CCM2: variants seen among roughly 807,000 people sequenced by gnomAD.
The protein encoded by CCM2 is CCM2 scaffold protein.
A neutral mutation model predicts 44.9 loss-of-function variants in CCM2; 25 were observed. That is an observed-to-expected ratio of 0.56 (90% confidence interval 0.41 to 0.78). The LOEUF (loss-of-function observed/expected upper bound fraction) is 0.78. Among genes scored for constraint, CCM2 ranks in the 30% least tolerant of loss-of-function variants. CCM2 has a pLI of 0.00. For missense variants in CCM2, 481 were observed against 580.6 expected, an observed-to-expected ratio of 0.83 and a Z score of 1.76; for synonymous variants, 219 against 241.1, an observed-to-expected ratio of 0.91 and a Z score of 0.85.
chr7:45,064,456 C>T lies in CCM2; in HGVS notation c.289-7C>T. ...CTGTATTTCTGATGCCCTGTGGTTC[C>T]TTCCAGAGAGCCCACCAGCTTCCGG... On this transcript the variant is annotated splice_polypyrimidine_tract_variant and splice_region_variant and intron_variant, in intron 3 of 9. Coordinates refer to ENST00000258781, the MANE Select transcript of CCM2 (RefSeq NM_031443.4). 6.2e-7 allele frequency: 1 copy of T among 1,612,836 alleles called. No homozygotes were observed. Among genetic ancestry groups the T allele is most frequent in the Non-Finnish European group, 8.5e-7 (1 of 1,179,856 alleles).
In CCM2 at chr7:45,055,742, A is replaced by G. The variant is rs539391976; in HGVS notation, c.205-8176A>G. Among the ~76,000 whole-genome samples, 6 of 152,308 alleles carry G rather than the reference A, an allele frequency of 3.9e-5. No individual in the cohort carries two copies. In the South Asian group the frequency reaches 8.3e-4, roughly 21 times the overall value. ...TGAAGTGTAGAGTTCAATGGCATAA[A>G]ATCAATTCACATTGTTGTGCAACCA... On this transcript the variant is annotated intron_variant, in intron 2 of 9. Transcript: ENST00000258781.
intron 1 of CCM2, among the ~76,000 whole-genome samples, chr7:45,016,060 T>A (rs1295613677): frequency 6.6e-6 from 1 of 152,250 alleles, no homozygotes; most frequent in Non-Finnish European, 1.5e-5. Flanking sequence ...AACTTAAAAA[T>A]TCAAGAAATG....
At chr7:45,003,609 A>G (rs923780168) in intron 1 of CCM2, among the ~76,000 whole-genome samples, 2 of 151,830 alleles carry the variant, frequency 1.3e-5, no homozygotes, top group Admixed American at 6.6e-5. Context: ...GCATGTGCCT[A>G]TAATCCCAGT....
At chr7:45,020,818 A>G (rs1164629011) in intron 1 of CCM2, among the ~76,000 whole-genome samples, 7 of 149,756 alleles carry the variant, frequency 4.7e-5, no homozygotes, top group African/African-American at 1.7e-4. Context: ...AGCAAAATAT[A>G]TTATATGAAA....
chr7:45,073,486 G>A lies in CCM2; in HGVS notation c.830G>A (p.Gly277Asp), dbSNP rs1421166194. ...TFCFPESVDV[G>D]GASPHSKTIS... is the part of the protein sequence containing the mutation. ...TGCTTCCCTGAATCTGTGGATGTGG[G>A]TGGTGCATCACCCCACAGCAAGACC... The change falls in exon 8 of 10, where the codon GGT becomes GAT. Residue 277 changes from glycine to aspartate, a missense_variant. Gly to Asp is a moderately conservative substitution (Grantham distance 94, BLOSUM62 -1). Transcript: ENST00000258781. 2 of 1,613,382 alleles carry A rather than the reference G, an allele frequency of 1.2e-6. No individual in the cohort carries two copies. The highest frequency in any genetic ancestry group is 3.3e-5 in the Admixed American group (2 of 60,012).
chr7:45,073,788 C>A (rs1000937112), intron 8 of CCM2: 8 of 586,528 alleles, frequency 1.4e-5, no homozygotes, highest in Non-Finnish European at 2.4e-5. Flanking sequence ...AGTGCTGTGG[C>A]CGTCAGGGCT....
Position 45,074,312 on chromosome 7 carries a change from G to T in CCM2, c.958G>T (p.Ala320Ser). Residue 320 changes from alanine (A) to serine (S), a missense_variant, in exon 9 of 10, where the codon GCA (alanine) becomes TCA (serine). Ala to Ser is a moderately conservative substitution (Grantham distance 99). Coordinates refer to ENST00000258781, the MANE Select transcript of CCM2 (RefSeq NM_031443.4). The part of the protein sequence containing the change: ...LSSQEIQQFA[A>S]LLHEYRNGAS... ...ATCACAGGAGATCCAGCAGTTTGCAGCACTGCTGCACGAGTACCGCAATGG... is the reference window on the plus strand; with the variant it reads ...ATCACAGGAGATCCAGCAGTTTGCATCACTGCTGCACGAGTACCGCAATGG... 1.2e-6 allele frequency: 2 copies of T among 1,613,766 alleles called. No homozygotes were observed. The highest frequency in any genetic ancestry group is 1.7e-6 in the Non-Finnish European group (2 of 1,180,014).
intron 6 of CCM2, chr7:45,071,631 G>C (rs1336875574): frequency 2.7e-6 from 1 of 365,930 alleles, no homozygotes; most frequent in African/African-American, 2.1e-5. Context: ...GGCTAAAGTT[G>C]AGGTGTCCAC....
chr7:45,040,373 C>T (rs945738029), intron 2 of CCM2, among the ~76,000 whole-genome samples: 65 of 149,774 alleles, frequency 4.3e-4, no homozygotes, highest in African/African-American at 1.5e-3. Flanking sequence ...AGCGAGACTC[C>T]GTCTCAAAAA....
At chr7:45,035,827 A>G (rs189232072) in intron 1 of CCM2, among the ~76,000 whole-genome samples, 101 of 149,446 alleles carry the variant, frequency 6.8e-4, no homozygotes, top group African/African-American at 2.2e-3. Flanking sequence ...ACATATATAC[A>G]TATATATATA....
chr7:45,012,445 G>C (rs1371337213), intron 1 of CCM2, among the ~76,000 whole-genome samples: 1 of 151,936 alleles, frequency 6.6e-6, no homozygotes, highest in Non-Finnish European at 1.5e-5. Context: ...ATAATGTCTT[G>C]TTGAAATGAA....
intron 1 of CCM2, among the ~76,000 whole-genome samples, chr7:45,019,160 C>T (rs1168569024): frequency 6.6e-6 from 1 of 151,184 alleles, no homozygotes; most frequent in East Asian, 1.9e-4. Flanking sequence ...CAACCTCCGC[C>T]TCCCGGGTTC....
chr7:45,021,276 T>TA (rs1470612829), intron 1 of CCM2, among the ~76,000 whole-genome samples: 4 of 151,324 alleles, frequency 2.6e-5, no homozygotes, highest in Non-Finnish European at 4.4e-5. Flanking sequence ...AAAAAAATAA[T>TA]AAATAGGCTG....
chr7:45,060,630 G>A (rs76495135), intron 2 of CCM2, among the ~76,000 whole-genome samples: 279 of 151,928 alleles, frequency 1.8e-3, no homozygotes, highest in African/African-American at 6.5e-3. Context: ...TCTTTCTTTC[G>A]TTCTTTTTTC....
At chr7:45,064,185 A>C (rs879671143) in intron 3 of CCM2, among the ~76,000 whole-genome samples, 184 bp downstream of exon 3, 27 of 152,184 alleles carry the variant, frequency 1.8e-4, no homozygotes, top group Admixed American at 1.8e-3. Flanking sequence ...CACTTGCTCC[A>C]TGTGATTTTG....
chr7:45,067,002 G>T (rs1562910569), intron 4 of CCM2, among the ~76,000 whole-genome samples: 1 of 151,422 alleles, frequency 6.6e-6, no homozygotes, highest in Non-Finnish European at 1.5e-5. Flanking sequence ...CCAGGTTCAC[G>T]CCATTCTCCT....
In CCM2 at chr7:45,007,994, G is replaced by A. The variant is rs189917868; in HGVS notation, c.30+7631G>A. Among the ~76,000 whole-genome samples, 5 of 151,558 alleles carry A rather than the reference G, an allele frequency of 3.3e-5. No individual in the cohort carries two copies. The East Asian group carries it at 9.7e-4, about 29-fold the overall frequency. On this transcript the variant is annotated intron_variant, in intron 1 of 9. Coordinates refer to ENST00000258781, the MANE Select transcript of CCM2 (RefSeq NM_031443.4). Reference sequence around the variant, plus strand: ...GTCACCATGAGCTCTCTGGTCAGGTGTGGAAACTGAAATGTTTCCCTTGTT... The same window carrying A: ...GTCACCATGAGCTCTCTGGTCAGGTATGGAAACTGAAATGTTTCCCTTGTT...
At chr7:45,027,824 G>T in intron 1 of CCM2, 1 of 1,612,582 alleles carries the variant, frequency 6.2e-7, no homozygotes, top group Non-Finnish European at 8.5e-7. Context: ...TGTGGAAAGC[G>T]CCATTTAGAA....
At chr7:45,019,754 T>A (rs377373423) in intron 1 of CCM2, among the ~76,000 whole-genome samples, 1 of 152,116 alleles carries the variant, frequency 6.6e-6, no homozygotes, top group Non-Finnish European at 1.5e-5. Flanking sequence ...ATTTTTATTT[T>A]TGTAGAAATG....
Sources: gnomAD v4.1 joint callset for allele counts (sites outside exome capture counted in the v4.1 genomes callset) on GRCh38, gnomAD v4.1.1 for gene constraint, MANE v1.5 for transcripts, NCBI Gene and HGNC (gene_info 2026-07-23, HGNC 2026-07-21) for gene names.